Variants in HDAC9 observed in about 807,000 individuals in gnomAD.
HDAC9 encodes the protein histone deacetylase 9.
A neutral mutation model predicts 139.4 loss-of-function variants in HDAC9; 41 were observed. The ratio of observed to expected loss-of-function variants is 0.29; its 90% CI spans 0.23 to 0.38. The LOEUF is 0.38. Ranked by LOEUF, HDAC9 falls within the 10% of genes least tolerant of loss-of-function variation. The pLI is 1.00. For missense variants in HDAC9, 1,147 were observed against 1,297.0 expected (o/e 0.88, Z 1.78); for synonymous variants, 517 against 476.2 (o/e 1.09, Z -1.12).
At chr7:18,332,350 T>A (rs560302081) in intron 1 of HDAC9, among the ~76,000 whole-genome samples, 1 of 143,068 alleles carries the variant, frequency 7.0e-6, no homozygotes, top group Non-Finnish European at 1.5e-5. Flanking sequence ...ATTGTGGCTG[T>A]GCATGCGCAC....
chr7:18,177,714 C>T (rs932007008), intron 2 of HDAC9, among the ~76,000 whole-genome samples: 1 of 152,104 alleles, frequency 6.6e-6, no homozygotes, highest in African/African-American at 2.4e-5. Context: ...TTTTTGAGGG[C>T]AAGGGACATC....
chr7:18,333,957 T>A (rs942594048), intron 1 of HDAC9, among the ~76,000 whole-genome samples: 4 of 151,404 alleles, frequency 2.6e-5, no homozygotes, highest in Non-Finnish European at 4.4e-5. Context: ...AATTATAAGC[T>A]AACACACTGT....
At chr7:18,310,721 A>G (rs1799252392) in intron 1 of HDAC9, among the ~76,000 whole-genome samples, 1 of 151,978 alleles carries the variant, frequency 6.6e-6, no homozygotes, top group African/African-American at 2.4e-5. Flanking sequence ...CATAGACATC[A>G]TACAGCATTG....
At position 18,877,908 on chromosome 7, in the gene HDAC9, A is replaced by T. The variant is rs1490480823; in HGVS notation, c.2803+3312A>T. Among the ~76,000 whole-genome samples, 3 of 152,140 alleles carry T rather than the reference A, an allele frequency of 2.0e-5. No homozygotes were observed. In the East Asian group the frequency reaches 5.8e-4, roughly 29 times the overall value. Reference sequence around the variant, plus strand: ...GGCATTGGTTTCTGCTGAAGTTTTAATCAACAATCTGAATTACTTACTTAG... The same window carrying T: ...GGCATTGGTTTCTGCTGAAGTTTTATTCAACAATCTGAATTACTTACTTAG... On this transcript the variant is annotated intron_variant, in intron 22 of 25. Transcript: ENST00000686413.
chr7:18,916,211 C>A (rs1439906527), intron 22 of HDAC9, among the ~76,000 whole-genome samples: 1 of 151,800 alleles, frequency 6.6e-6, no homozygotes. Flanking sequence ...CAGTCACTAG[C>A]CAGAAATTTG....
intron 16 of HDAC9, among the ~76,000 whole-genome samples, chr7:18,785,876 T>C (rs1413682373): frequency 9.2e-5 from 14 of 152,170 alleles, no homozygotes. Context: ...TCTACATTAA[T>C]GGTCGCTGTA....
intron 1 of HDAC9, among the ~76,000 whole-genome samples, chr7:18,125,136 CT>C (rs1289347424): frequency 6.6e-6 from 1 of 152,052 alleles, no homozygotes; most frequent in Non-Finnish European, 1.5e-5. Flanking sequence ...AGGAAGTTGA[CT>C]CGTGGCTGAG....
chr7:18,360,324 G>A (rs1420853001), intron 1 of HDAC9, among the ~76,000 whole-genome samples: 1 of 152,114 alleles, frequency 6.6e-6, no homozygotes, highest in Non-Finnish European at 1.5e-5. Flanking sequence ...CCTCTGTACT[G>A]TCGTACTCCT....
intron 2 of HDAC9, among the ~76,000 whole-genome samples, chr7:18,168,220 G>A (rs916482897): frequency 6.6e-6 from 1 of 152,086 alleles, no homozygotes; most frequent in Admixed American, 6.5e-5. Context: ...CATATGCTGA[G>A]GAAAAAGTAC....
intron 6 of HDAC9, among the ~76,000 whole-genome samples, chr7:18,627,497 A>AT (rs144571250): frequency 2.5e-3 from 381 of 152,342 alleles, no homozygotes; most frequent in African/African-American, 8.9e-3. Flanking sequence ...TTTTGAAGTA[A>AT]TTTAAAAATA....
intron 2 of HDAC9, among the ~76,000 whole-genome samples, chr7:18,570,288 G>A (rs1031576278): frequency 6.6e-6 from 1 of 152,150 alleles, no homozygotes; most frequent in African/African-American, 2.4e-5. Context: ...GTACAGAATT[G>A]TTCCTTAAAA....
intron 16 of HDAC9, among the ~76,000 whole-genome samples, chr7:18,789,286 G>GCGCGCGCACACACACACACA (rs146066951): frequency 1.4e-3 from 203 of 148,506 alleles, no homozygotes; most frequent in Middle Eastern, 0.01. Flanking sequence ...ACACATACAC[G>GCGCGCGCACACACACACACA]CACACACACA....
chr7:18,168,879 GTTTTTTTT>G lies in HDAC9; in HGVS notation c.25+6542_25+6549del, dbSNP rs112502543. ...AGTTCTGAGGAGGTGCAAATGTCTT[GTTTTTTTT>G]TTTTTTTTTTTGTGTGTGTGTGTGT... On this transcript the variant is annotated intron_variant, in intron 2 of 12. Transcript: ENST00000417496. 3.1e-4 allele frequency among the ~76,000 whole-genome samples: 25 copies of G among 80,888 alleles called. 2 individuals carry two copies. The highest frequency in any genetic ancestry group is 4.8e-4 in the African/African-American group (11 of 22,992). The allele number at this position is 80,888 out of a possible 152,430, so 53.1% of individuals were successfully genotyped here. A position where few individuals can be genotyped will look rare whatever the true frequency, so the allele number is the denominator to read the frequency against.
At chr7:18,553,631 A>G (rs528060600) in intron 2 of HDAC9, among the ~76,000 whole-genome samples, 5 of 152,350 alleles carry the variant, frequency 3.3e-5, no homozygotes, top group Admixed American at 6.5e-5. Context: ...AGTCACAATT[A>G]TTTAAACATA....
intron 2 of HDAC9, among the ~76,000 whole-genome samples, chr7:18,552,660 C>T (rs1817525888): frequency 1.3e-5 from 2 of 152,180 alleles, no homozygotes; most frequent in Non-Finnish European, 2.9e-5. Context: ...CTGGAATGGG[C>T]TATAACTGTA....
intron 1 of HDAC9, among the ~76,000 whole-genome samples, chr7:18,484,849 C>T (rs1795852535): frequency 7.1e-6 from 1 of 140,076 alleles, no homozygotes; most frequent in African/African-American, 2.5e-5. Context: ...CAAGACCCCA[C>T]CTGTAAAAAA....
chr7:18,541,100 C>T (rs1812676077), intron 2 of HDAC9, among the ~76,000 whole-genome samples: 2 of 142,294 alleles, frequency 1.4e-5, no homozygotes, highest in South Asian at 2.2e-4. Flanking sequence ...ACTTTCCCAG[C>T]TGGAAATAGC....
chr7:18,939,145 C>T (rs950961943), intron 23 of HDAC9, among the ~76,000 whole-genome samples: 1 of 152,106 alleles, frequency 6.6e-6, no homozygotes, highest in Non-Finnish European at 1.5e-5. Context: ...GGTTGGTGGT[C>T]TTCAGTTGCA....
At chr7:18,899,554 T>C (rs1801508932) in intron 22 of HDAC9, 1 of 152,126 alleles carries the variant, frequency 6.6e-6, no homozygotes, top group Admixed American at 6.6e-5. Context: ...AATCTACAGA[T>C]TTTAATCATT....
Sources: allele counts gnomAD v4.1 joint callset (sites outside exome capture counted in the v4.1 genomes callset), GRCh38; gene constraint gnomAD v4.1.1; transcripts MANE v1.5; gene names NCBI Gene and HGNC (gene_info 2026-07-23, HGNC 2026-07-21).